The following RAB3IP variants were observed in gnomAD, a reference collection of about 807,000 sequenced individuals.
RAB3IP encodes RAB3A interacting protein, also known as rab-3A-interacting protein.
RAB3IP carries 36 observed loss-of-function variants against 59.1 expected under a neutral mutation model. That is an observed-to-expected ratio of 0.61 (90% CI 0.47 to 0.80). RAB3IP has a LOEUF of 0.80. Among genes scored for constraint, RAB3IP ranks in the 30% least tolerant of loss-of-function variants. RAB3IP has a pLI of 0.00. For synonymous variants in RAB3IP, 207 were observed against 191.2 expected (o/e 1.08, Z -0.68); for missense variants, 511 against 536.0 (o/e 0.95, Z 0.46).
intron 8 of RAB3IP, among the ~76,000 whole-genome samples, chr12:69,810,054 G>A (rs1330264048): frequency 2.6e-5 from 4 of 152,126 alleles, no homozygotes; most frequent in African/African-American, 7.2e-5. Context: ...CTTTGATGAT[G>A]GTGACGTACA....
At chr12:69,809,549 A>G (rs1042442259) in intron 8 of RAB3IP, among the ~76,000 whole-genome samples, 11 of 151,752 alleles carry the variant, frequency 7.2e-5, no homozygotes, top group Admixed American at 1.3e-4. Flanking sequence ...ATCAGACGTA[A>G]ATTTGGTCTT....
intron 4 of RAB3IP, among the ~76,000 whole-genome samples, chr12:69,793,892 T>C (rs920574700): frequency 6.6e-6 from 1 of 152,192 alleles, no homozygotes; most frequent in African/African-American, 2.4e-5. Flanking sequence ...ACTAGAAGAT[T>C]AAAACTCTAT....
intron 3 of RAB3IP, among the ~76,000 whole-genome samples, chr12:69,772,214 ATATAAG>A (rs1873237890): frequency 2.6e-5 from 4 of 152,202 alleles, no homozygotes; most frequent in Non-Finnish European, 1.5e-5. Context: ...GTTTTATCTA[ATATAAG>A]TATAGGTAGC....
At position 69,816,313 on chromosome 12, in the gene RAB3IP, A is replaced by G. The variant is rs1028357317; in HGVS notation, c.*867A>G. On this transcript the variant is annotated 3_prime_UTR_variant, in exon 11 of 11. Coordinates refer to ENST00000247833, the MANE Select transcript of RAB3IP (RefSeq NM_022456.5). Reference sequence around the variant, plus strand: ...TATAACAAAGAGGTTTGTGGTAGACATGTAATAAGTATAGAAAAGCAAAAA... The same window carrying G: ...TATAACAAAGAGGTTTGTGGTAGACGTGTAATAAGTATAGAAAAGCAAAAA... 2.0e-5 allele frequency: 3 copies of G among 152,222 alleles called. No individual in the cohort carries two copies. The highest frequency in any genetic ancestry group is 4.1e-4 in the South Asian group (2 of 4,828). 9.4% of individuals were successfully genotyped at this position (152,222 alleles called of 1,614,324 possible). A position where few individuals can be genotyped will look rare whatever the true frequency, so the allele number is the denominator to read the frequency against.
At chr12:69,813,694 G>GT (rs957970588) in intron 10 of RAB3IP, among the ~76,000 whole-genome samples, 1 of 151,250 alleles carries the variant, frequency 6.6e-6, no homozygotes, top group Non-Finnish European at 1.5e-5. Context: ...ACAAATGATA[G>GT]TTTAAAAAAA....
chr12:69,800,317 T>A lies in RAB3IP; in HGVS notation c.997T>A (p.Leu333Ile), dbSNP rs1878176353. The change falls in exon 7 of 11, where the codon TTA becomes ATA. Residue 333 changes from leucine to isoleucine, a missense_variant. By Grantham distance (5) the Leu-to-Ile change is conservative (BLOSUM62 2). Transcript: ENST00000247833. The stretch of plus-strand genomic sequence containing the variant: ...CTACCAGGAAGATATCTTTCCATGT[T>A]TAACATTCTCAAAAAGTGAGGTAAT... ...KIYQEDIFPC[L>I]TFSKSELASA... 1 of 1,581,794 alleles carries A rather than the reference T, an allele frequency of 6.3e-7. No individual in the cohort carries two copies. The highest frequency in any genetic ancestry group is 1.2e-5 in the South Asian group (1 of 85,914).
intron 3 of RAB3IP, among the ~76,000 whole-genome samples, chr12:69,780,203 C>G (rs555557700): frequency 1.3e-5 from 2 of 152,210 alleles, no homozygotes; most frequent in Non-Finnish European, 2.9e-5. Flanking sequence ...TAGACAGATG[C>G]ATGTTTCCCC....
chr12:69,763,111 A>G (rs1225655436), intron 3 of RAB3IP, among the ~76,000 whole-genome samples: 2 of 152,198 alleles, frequency 1.3e-5, no homozygotes, highest in Admixed American at 6.5e-5. Context: ...TTTTTACATT[A>G]TTAGCTGAAG....
chr12:69,767,612 ATTC>A (rs970832995), intron 3 of RAB3IP, among the ~76,000 whole-genome samples: 2 of 152,206 alleles, frequency 1.3e-5, no homozygotes, highest in Non-Finnish European at 2.9e-5. Flanking sequence ...AGTAGCCTAA[ATTC>A]TTGATCTAAG....
chr12:69,749,978 G>C (rs1009691077), intron 1 of RAB3IP, among the ~76,000 whole-genome samples: 2 of 152,174 alleles, frequency 1.3e-5, no homozygotes, highest in African/African-American at 4.8e-5. Flanking sequence ...TAGGGTTAAT[G>C]TTGCAGGCAT....
intron 3 of RAB3IP, among the ~76,000 whole-genome samples, chr12:69,780,624 G>A (rs1340541700): frequency 6.6e-6 from 1 of 152,208 alleles, no homozygotes; most frequent in Non-Finnish European, 1.5e-5. Flanking sequence ...TTCCTGGGTT[G>A]TGGGATATGG....
intron 6 of RAB3IP, among the ~76,000 whole-genome samples, chr12:69,798,598 C>G (rs1026383604): frequency 7.2e-5 from 11 of 152,036 alleles, no homozygotes; most frequent in African/African-American, 2.7e-4. Context: ...AAGTCCTTGC[C>G]CATGCCTATG....
rs1021148523 is a variant in RAB3IP at position 69,822,540 on chromosome 12, G to A, written c.*7094G>A. On this transcript the variant is annotated 3_prime_UTR_variant, in exon 11 of 11. Coordinates refer to ENST00000247833, the MANE Select transcript of RAB3IP (RefSeq NM_022456.5). ...AGGCTGGGAAGGGTAATGGGGGTTG[G>A]GGGGTGGGAGGATAAAGGGGTTGGG... 6.6e-6 allele frequency: 1 copy of A among 152,056 alleles called. No homozygotes were observed. Among genetic ancestry groups the A allele is most frequent in the Non-Finnish European group, 1.5e-5 (1 of 68,026 alleles). The allele number at this position is 152,056 out of a possible 1,614,324, so 9.4% of individuals were successfully genotyped here.
At chr12:69,793,470 T>A (rs1400216091) in intron 4 of RAB3IP, among the ~76,000 whole-genome samples, 5 of 152,214 alleles carry the variant, frequency 3.3e-5, no homozygotes, top group African/African-American at 4.8e-5. Context: ...CTCATTTCCT[T>A]CCTTCCTCTG....
intron 8 of RAB3IP, among the ~76,000 whole-genome samples, chr12:69,803,733 T>TA (rs1741290092): frequency 6.6e-6 from 1 of 151,544 alleles, no homozygotes; most frequent in South Asian, 2.1e-4. Flanking sequence ...CACCTATGAG[T>TA]GAGAATGTGC....
chr12:69,796,516 A>G (rs1056161226), intron 6 of RAB3IP: 8 of 459,976 alleles, frequency 1.7e-5, no homozygotes, highest in Admixed American at 8.2e-5. Flanking sequence ...TCCATCATTA[A>G]TCTTGAAGAA....
intron 4 of RAB3IP, among the ~76,000 whole-genome samples, chr12:69,790,461 G>C (rs1016067713): frequency 6.6e-6 from 1 of 152,164 alleles, no homozygotes. Context: ...AATTAATACT[G>C]TTAAAATGTC....
At chr12:69,781,451 A>G (rs868335711) in intron 3 of RAB3IP, among the ~76,000 whole-genome samples, 2 of 152,294 alleles carry the variant, frequency 1.3e-5, no homozygotes, top group East Asian at 1.9e-4. Flanking sequence ...TGATGAAGGT[A>G]TAATGGCATG....
Position 69,821,070 on chromosome 12 carries a change from A to G in RAB3IP, c.*5624A>G, listed in dbSNP as rs1487533973. 1.3e-5 allele frequency: 2 copies of G among 152,160 alleles called. No individual in the cohort carries two copies. Among genetic ancestry groups the G allele is most frequent in the African/African-American group, 4.8e-5 (2 of 41,442 alleles). The allele number at this position is 152,160 out of a possible 1,614,324, so 9.4% of individuals were successfully genotyped here. A position where few individuals can be genotyped will look rare whatever the true frequency, so the allele number is the denominator to read the frequency against. ...TTCTCAAGGGAGCACAAGTTCACAC[A>G]CAGTTTACTTTTGGAGGAACGTCTG... On this transcript the variant is annotated 3_prime_UTR_variant, in exon 11 of 11. Coordinates refer to ENST00000247833, the MANE Select transcript of RAB3IP (RefSeq NM_022456.5).
Sources: gnomAD v4.1 joint callset for allele counts (sites outside exome capture counted in the v4.1 genomes callset) on GRCh38, gnomAD v4.1.1 for gene constraint, MANE v1.5 for transcripts, NCBI Gene and HGNC (gene_info 2026-07-23, HGNC 2026-07-21) for gene names.